NSD1: variants seen among roughly 807,000 people sequenced by gnomAD.
NSD1 encodes nuclear receptor binding SET domain protein 1, also known as histone-lysine N-methyltransferase, H3 lysine-36 specific.
A neutral mutation model predicts 242.7 loss-of-function variants in NSD1; 26 were observed. The ratio of observed to expected loss-of-function variants is 0.11; its 90% CI spans 0.08 to 0.15. The LOEUF is 0.15. Ranked by LOEUF, NSD1 falls within the 10% of genes least tolerant of loss-of-function variation. NSD1 has a pLI of 1.00. For missense variants in NSD1, 2,495 were observed against 3,272.8 expected, an observed-to-expected ratio of 0.76 and a Z score of 5.80; for synonymous variants, 1,106 against 1,178.1, an observed-to-expected ratio of 0.94 and a Z score of 1.25.
intron 8 of NSD1, among the ~76,000 whole-genome samples, chr5:177,242,392 G>A (rs926247527): frequency 3.3e-5 from 5 of 152,056 alleles, no homozygotes; most frequent in African/African-American, 9.7e-5. Flanking sequence ...TATAGTGAAC[G>A]TGAGGAGAAT....
At position 177,282,547 on chromosome 5, in the gene NSD1, A is replaced by G. The variant is rs1758977193; in HGVS notation, c.5975A>G (p.Asp1992Gly). 2.5e-6 allele frequency: 4 copies of G among 1,612,668 alleles called. No homozygotes were observed. The highest frequency in any genetic ancestry group is 2.2e-5 in the East Asian group (1 of 44,884). ...RARIRYAQEH[D>G]ITNFYMLTLD... ...CGAATTCGCTATGCTCAAGAACATGATATCACTAATTTCTATATGCTCACC... is the reference window on the plus strand; with the variant it reads ...CGAATTCGCTATGCTCAAGAACATGGTATCACTAATTTCTATATGCTCACC... The change falls in exon 19 of 23, where the codon GAT (aspartate) becomes GGT (glycine). Residue 1992 changes from aspartate (D) to glycine (G), a missense_variant. Around this residue, in one of 19 missense-constraint regions of NSD1, gnomAD observed 114 missense variants for 247.4 expected, o/e 0.46. Transcript: ENST00000439151.
chr5:177,207,346 G>A (rs551387381), intron 4 of NSD1, among the ~76,000 whole-genome samples: 46 of 151,776 alleles, frequency 3.0e-4, no homozygotes, highest in Middle Eastern at 6.8e-3. Flanking sequence ...GCAGTGGTGC[G>A]ATGTCAGCTC....
Position 177,269,562 on chromosome 5 carries a change from G to A in NSD1, c.5304-40G>A, listed in dbSNP as rs371375071. The A allele has an allele frequency of 2.7e-5, 43 of 1,581,522 alleles. No homozygotes were observed. The highest frequency in any genetic ancestry group is 3.3e-5 in the Non-Finnish European group (38 of 1,151,036). On this transcript the variant is annotated intron_variant, in intron 15 of 22. Transcript: ENST00000439151. This position sits in a 1 kb window ranked among gnomAD's most constrained non-coding sequence, Gnocchi z 5.1. Reference sequence around the variant, plus strand: ...TAGGTTATTTTCCTAATGCCTTGCAGCCTTCTAGAGGTTTTCCTTCTCCTT... The same window carrying A: ...TAGGTTATTTTCCTAATGCCTTGCAACCTTCTAGAGGTTTTCCTTCTCCTT...
chr5:177,275,725 G>T (rs567900247), intron 17 of NSD1, among the ~76,000 whole-genome samples: 1 of 151,586 alleles, frequency 6.6e-6, no homozygotes, highest in Non-Finnish European at 1.5e-5. Context: ...GAGCCACTGC[G>T]CCCGGCCTCC....
chr5:177,228,013 T>A (rs2149874095), intron 5 of NSD1, among the ~76,000 whole-genome samples: 1 of 152,036 alleles, frequency 6.6e-6, no homozygotes, highest in African/African-American at 2.4e-5. Flanking sequence ...TCCTGTAGAT[T>A]TTCTCAGGCT....
intron 2 of NSD1, among the ~76,000 whole-genome samples, chr5:177,137,993 T>C (rs1038697494): frequency 6.6e-6 from 1 of 151,554 alleles, no homozygotes; most frequent in Non-Finnish European, 1.5e-5. Flanking sequence ...GAGAATCGCT[T>C]GAACCCAGGA....
chr5:177,180,486 G>A (rs1760568913), intron 2 of NSD1, among the ~76,000 whole-genome samples: 1 of 151,460 alleles, frequency 6.6e-6, no homozygotes, highest in Non-Finnish European at 1.5e-5. Context: ...GAATTCCTTG[G>A]CTCAAGTGAT....
In NSD1 at chr5:177,134,419, G is replaced by C. The variant is rs1298983970; in HGVS notation, c.-18+467G>C. The stretch of plus-strand genomic sequence containing the variant: ...CAGCAGCCATGTTTTTCGAGCTGTA[G>C]CAGCTGCTGCTACCCTGACTGGGCT... On this transcript the variant is annotated intron_variant, in intron 1 of 22. Transcript: ENST00000439151. The surrounding 1 kb of genome is among the most constrained non-coding windows in gnomAD (Gnocchi z 4.2). Among the ~76,000 whole-genome samples the C allele has an allele frequency of 6.6e-6, 1 of 152,224 alleles. No individual in the cohort carries two copies. The highest frequency in any genetic ancestry group is 6.5e-5 in the Admixed American group (1 of 15,286).
At chr5:177,146,450 C>G (rs190925319) in intron 2 of NSD1, among the ~76,000 whole-genome samples, 159 of 151,986 alleles carry the variant, frequency 1.0e-3, no homozygotes, top group African/African-American at 3.7e-3. Flanking sequence ...GTGATCCGCC[C>G]GCCTCAGCCT....
intron 2 of NSD1, among the ~76,000 whole-genome samples, chr5:177,170,815 C>G (rs1007437398): frequency 6.6e-6 from 1 of 152,008 alleles, no homozygotes; most frequent in Non-Finnish European, 1.5e-5. Flanking sequence ...AATAGTAATT[C>G]CTAATAGTTC....
rs756688760 is a variant in NSD1 at position 177,294,241 on chromosome 5, G to T, written c.6873G>T (p.Gln2291His). Residue 2291 changes from glutamine (Q) to histidine (H), a missense_variant, in exon 23 of 23, where the codon CAG (glutamine) becomes CAT (histidine). This residue lies in a region of NSD1 where 475 missense variants were observed against 563.7 expected (regional missense o/e 0.84). Transcript: ENST00000439151. ...TTGAGAGAACTGACTCCAGGCCCCA[G>T]CCTTTAGATAAGGTCAGAGACCTCG... is the stretch of plus-strand genomic sequence containing the variant. ...RPLERTDSRP[Q>H]PLDKVRDLAG... 6 of 1,613,524 alleles carry T rather than the reference G, an allele frequency of 3.7e-6. No individual in the cohort carries two copies. The highest frequency in any genetic ancestry group is 4.2e-6 in the Non-Finnish European group (5 of 1,179,520).
chr5:177,251,243 A>C (rs1201906194), intron 11 of NSD1, among the ~76,000 whole-genome samples: 2 of 152,054 alleles, frequency 1.3e-5, no homozygotes, highest in Non-Finnish European at 2.9e-5. Flanking sequence ...ACAGATGCCC[A>C]TTGTTATTTC....
At chr5:177,232,409 C>T (rs1316158734) in intron 5 of NSD1, among the ~76,000 whole-genome samples, 1 of 152,140 alleles carries the variant, frequency 6.6e-6, no homozygotes, top group Non-Finnish European at 1.5e-5. Context: ...GCTCCAAAAT[C>T]GAAATCTTTT....
At chr5:177,218,867 C>T (rs977164758) in intron 5 of NSD1, among the ~76,000 whole-genome samples, 1 of 151,742 alleles carries the variant, frequency 6.6e-6, no homozygotes, top group Non-Finnish European at 1.5e-5. Context: ...CCGCGCCCGG[C>T]CCCCCCTTTT....
At chr5:177,198,634 G>T (rs893046057) in intron 3 of NSD1, among the ~76,000 whole-genome samples, 1 of 151,990 alleles carries the variant, frequency 6.6e-6, no homozygotes, top group African/African-American at 2.4e-5. Context: ...CCAACATATG[G>T]GGGGGTCAAG....
intron 5 of NSD1, among the ~76,000 whole-genome samples, chr5:177,231,412 G>T (rs560074221): frequency 6.6e-6 from 1 of 152,232 alleles, no homozygotes; most frequent in Non-Finnish European, 1.5e-5. Context: ...GAAGAAAAAT[G>T]TATACTTTAA....
chr5:177,214,363 A>G (rs1347178262), intron 5 of NSD1, among the ~76,000 whole-genome samples: 1 of 152,136 alleles, frequency 6.6e-6, no homozygotes, highest in Non-Finnish European at 1.5e-5. Context: ...AAACAAACAA[A>G]AAAACAGTAT....
At chr5:177,159,281 T>TTTTG (rs888390748) in intron 2 of NSD1, among the ~76,000 whole-genome samples, 1 of 151,292 alleles carries the variant, frequency 6.6e-6, no homozygotes, top group Non-Finnish European at 1.5e-5. Context: ...CAGTTTTTTT[T>TTTTG]TTTGTTTGTT....
intron 2 of NSD1, among the ~76,000 whole-genome samples, chr5:177,173,021 C>T (rs1034151866): frequency 2.7e-5 from 4 of 148,424 alleles, no homozygotes; most frequent in Admixed American, 6.8e-5. Context: ...TTAAGCCGGG[C>T]GCGGTGGCTC....
Sources: allele counts gnomAD v4.1 joint callset (sites outside exome capture counted in the v4.1 genomes callset), GRCh38; gene constraint gnomAD v4.1.1; regional missense constraint gnomAD v4.1.1; non-coding constraint Gnocchi (gnomAD v3.1); transcripts MANE v1.5; gene names NCBI Gene and HGNC (gene_info 2026-07-23, HGNC 2026-07-21).